LHFPL3: variants seen among roughly 807,000 people sequenced by gnomAD.
LHFPL3 encodes LHFPL tetraspan subfamily member 3.
LHFPL3 carries 5 observed loss-of-function variants against 19.3 expected under a neutral mutation model. The observed-to-expected ratio is 0.26, with a 90% CI of 0.14 to 0.54. The LOEUF (loss-of-function observed/expected upper bound fraction) is 0.54. Among genes scored for constraint, LHFPL3 ranks in the 20% least tolerant of loss-of-function variants. The pLI, the probability that LHFPL3 is intolerant of heterozygous loss-of-function variation, is 0.94. For missense variants in LHFPL3, 249 were observed against 307.4 expected (o/e 0.81, Z 1.42); for synonymous variants, 133 against 126.2 (o/e 1.05, Z -0.36).
At chr7:104,509,230 A>G (rs776899285) in intron 1 of LHFPL3, among the ~76,000 whole-genome samples, 12 of 150,798 alleles carry the variant, frequency 8.0e-5, no homozygotes, top group Non-Finnish European at 1.8e-4. Context: ...TCCTGATACC[A>G]AAACCAAAGA....
intron 1 of LHFPL3, among the ~76,000 whole-genome samples, chr7:104,507,673 C>A (rs1270268273): frequency 8.3e-6 from 1 of 120,594 alleles, no homozygotes; most frequent in Non-Finnish European, 1.7e-5. Context: ...GAACAGGCAA[C>A]CTACAAAATG....
intron 2 of LHFPL3, among the ~76,000 whole-genome samples, chr7:104,856,820 T>C (rs1436038297): frequency 6.6e-6 from 1 of 152,196 alleles, no homozygotes; most frequent in African/African-American, 2.4e-5. Flanking sequence ...GTAAGGTGTA[T>C]TATGACCTGG....
chr7:104,811,166 CTTTCTTTTCTT>C (rs1790460903), intron 2 of LHFPL3, among the ~76,000 whole-genome samples: 1 of 18,026 alleles, frequency 5.5e-5, no homozygotes, highest in African/African-American at 6.3e-5. Flanking sequence ...TTCTTTCTTT[CTTTCTTTTCTT>C]TTCTTTTCTT....
intron 1 of LHFPL3, among the ~76,000 whole-genome samples, chr7:104,375,415 T>C (rs949468162): frequency 6.6e-6 from 1 of 151,936 alleles, no homozygotes; most frequent in Non-Finnish European, 1.5e-5. Context: ...CATGGTAAAA[T>C]TTGGTGTGTT....
chr7:104,600,458 A>G (rs768936864), intron 1 of LHFPL3, among the ~76,000 whole-genome samples: 1 of 152,220 alleles, frequency 6.6e-6, no homozygotes, highest in South Asian at 2.1e-4. Flanking sequence ...TTTACTGTTC[A>G]ATTTTGCTGT....
intron 1 of LHFPL3, among the ~76,000 whole-genome samples, chr7:104,565,241 A>T (rs1412654839): frequency 1.3e-5 from 2 of 152,234 alleles, no homozygotes; most frequent in African/African-American, 4.8e-5. Flanking sequence ...AACTTTATTC[A>T]GCTCTGTGGC....
chr7:104,666,959 G>A (rs1792366167), intron 1 of LHFPL3, among the ~76,000 whole-genome samples: 1 of 152,108 alleles, frequency 6.6e-6, no homozygotes, highest in Admixed American at 6.6e-5. Flanking sequence ...AAACACGGAG[G>A]TGCAGGTATC....
chr7:104,847,170 G>T (rs1791328977), intron 2 of LHFPL3, among the ~76,000 whole-genome samples: 1 of 152,196 alleles, frequency 6.6e-6, no homozygotes, highest in Non-Finnish European at 1.5e-5. Flanking sequence ...TCAGTAGTTT[G>T]GGGTTATCCA....
chr7:104,554,612 G>T, intron 1 of LHFPL3, among the ~76,000 whole-genome samples: 1 of 151,058 alleles, frequency 6.6e-6, no homozygotes, highest in Non-Finnish European at 1.5e-5. Flanking sequence ...CCCCACAGAG[G>T]CAGAACTAAT....
At chr7:104,428,766 A>C (rs1791895410) in intron 1 of LHFPL3, among the ~76,000 whole-genome samples, 1 of 152,210 alleles carries the variant, frequency 6.6e-6, no homozygotes, top group Non-Finnish European at 1.5e-5. Context: ...AATGGATGAC[A>C]AAATATGTTT....
intron 1 of LHFPL3, among the ~76,000 whole-genome samples, chr7:104,385,417 G>T (rs763905711): frequency 2.6e-5 from 4 of 152,274 alleles, no homozygotes; most frequent in Non-Finnish European, 5.9e-5. Context: ...GAGTTAATGA[G>T]AAGCTGTCCT....
At chr7:104,722,510 C>T (rs1049681827) in intron 1 of LHFPL3, among the ~76,000 whole-genome samples, 3 of 152,194 alleles carry the variant, frequency 2.0e-5, no homozygotes, top group Non-Finnish European at 4.4e-5. Context: ...GTGTTTTCTT[C>T]ACCACACTCT....
Position 104,896,287 on chromosome 7 carries a change from G to C in LHFPL3, c.683-9900G>C, listed in dbSNP as rs554519634. Among the ~76,000 whole-genome samples, 12 of 152,334 alleles carry C rather than the reference G, an allele frequency of 7.9e-5. No individual in the cohort carries two copies. The South Asian group carries it at 2.5e-3, about 32-fold the overall frequency. ...CTATGTGCCAGGCTTTCCTCTGGGT[G>C]CTAGGGACACTGTGGCTTCTCAAAA... On this transcript the variant is annotated intron_variant, in intron 2 of 2. Coordinates refer to ENST00000424859, the MANE Select transcript of LHFPL3 (RefSeq NM_199000.3).
At chr7:104,565,406 C>T (rs1299214116) in intron 1 of LHFPL3, among the ~76,000 whole-genome samples, 1 of 152,124 alleles carries the variant, frequency 6.6e-6, no homozygotes, top group Non-Finnish European at 1.5e-5. Context: ...CTTCAAAAAG[C>T]TGTATTTAAG....
At chr7:104,759,517 T>A (rs1562984975) in intron 2 of LHFPL3, among the ~76,000 whole-genome samples, 1 of 152,202 alleles carries the variant, frequency 6.6e-6, no homozygotes, top group Non-Finnish European at 1.5e-5. Context: ...CTTTTACACT[T>A]GCAGTTTATC....
intron 2 of LHFPL3, chr7:104,786,682 T>TGGG (rs1789920552): frequency 9.2e-6 from 1 of 108,922 alleles, no homozygotes. Flanking sequence ...CTACTGTGTG[T>TGGG]GTGTGGGGTG....
At chr7:104,747,357 TG>T (rs145345104) in intron 2 of LHFPL3, among the ~76,000 whole-genome samples, 4,371 of 152,284 alleles carry the variant, frequency 0.029, 228 homozygotes, top group African/African-American at 0.099. Flanking sequence ...TATGTGAATT[TG>T]GGATGAGGTG....
At chr7:104,869,305 C>CT (rs1791788291) in intron 2 of LHFPL3, among the ~76,000 whole-genome samples, 1 of 152,162 alleles carries the variant, frequency 6.6e-6, no homozygotes, top group African/African-American at 2.4e-5. Context: ...AACAGGGAAC[C>CT]TACAGAATGG....
intron 1 of LHFPL3, among the ~76,000 whole-genome samples, chr7:104,552,877 G>A (rs962359427): frequency 1.2e-4 from 19 of 152,178 alleles, no homozygotes; most frequent in Admixed American, 7.8e-4. Context: ...AAGCTCATGG[G>A]TGCAGACCCT....
Sources: allele counts gnomAD v4.1 joint callset (sites outside exome capture counted in the v4.1 genomes callset), GRCh38; gene constraint gnomAD v4.1.1; transcripts MANE v1.5; gene names NCBI Gene and HGNC (gene_info 2026-07-23, HGNC 2026-07-21).